Variants in ARHGAP45 observed in about 807,000 individuals in gnomAD.
ARHGAP45 encodes the protein Rho GTPase activating protein 45.
In ARHGAP45, 56 loss-of-function variants were observed where a neutral mutation model predicts 116.1. That is an observed-to-expected ratio of 0.48 (90% CI 0.39 to 0.60). The LOEUF (loss-of-function observed/expected upper bound fraction) is 0.60, where lower values mean the gene tolerates loss of function less well. Ranked by LOEUF, ARHGAP45 falls within the 20% of genes least tolerant of loss-of-function variation. The pLI is 0.00. For synonymous variants in ARHGAP45, 866 were observed against 701.7 expected (o/e 1.23, Z -3.70); for missense variants, 1,622 against 1,601.0 (o/e 1.01, Z -0.22).
At position 1,084,267 on chromosome 19, in the gene ARHGAP45, AGTC is replaced by A. The variant is rs1568486133; in HGVS notation, c.2989_2991del (p.Val997del). 6.2e-7 allele frequency: 1 copy of A among 1,613,404 alleles called. No individual in the cohort carries two copies. Among genetic ancestry groups the A allele is most frequent in the Admixed American group, 1.7e-5 (1 of 59,910 alleles). On this transcript the variant is annotated inframe_deletion, in exon 22 of 23. Transcript: ENST00000313093. ...AGTCATCCAACCAGCGAGCTGAGGTAGTCGTCCAGGTGCCGTACCTGGAGGCGG... is the reference window on the plus strand; with the variant it reads ...AGTCATCCAACCAGCGAGCTGAGGTAGTCCAGGTGCCGTACCTGGAGGCGG...
intron 11 of ARHGAP45, among the ~76,000 whole-genome samples, chr19:1,078,471 T>TCCAAAAACTCCAAAAAGC (rs2043331369): frequency 7.0e-6 from 1 of 142,992 alleles, no homozygotes; most frequent in Non-Finnish European, 1.5e-5. Context: ...AGAGTCTCAT[T>TCCAAAAACTCCAAAAAGC]CTGTTGCCCA....
At chr19:1,074,552 G>A in intron 8 of ARHGAP45, 62 bp from the exon 9 acceptor site, 1 of 1,449,290 alleles carries the variant, frequency 6.9e-7, no homozygotes. Context: ...TGGTGGCTGG[G>A]GGTGCTGGGG....
rs1009469323 is a variant in ARHGAP45, at chr19:1,074,673, C to T, written c.1053C>T (p.Gly351=). ...CCCTGGAGCAGGACCTGGAGTTCGG[C>T]CACAGCATGGTGCAGGCGGTGGGCA... The part of the protein sequence containing the change: ...SLALEQDLEF[G]HSMVQAVGTL... The change falls in exon 9 of 23, where the codon GGC becomes GGT. Residue 351 remains glycine (G), a synonymous_variant. Coordinates refer to ENST00000313093, the MANE Select transcript of ARHGAP45 (RefSeq NM_012292.5). 10 of 1,611,078 alleles carry T rather than the reference C, an allele frequency of 6.2e-6. No homozygotes were observed. The African/African-American group carries it at 1.1e-4, about 17-fold the overall frequency.
intron 2 of ARHGAP45, among the ~76,000 whole-genome samples, chr19:1,072,563 C>A (rs1237776921): frequency 6.6e-6 from 1 of 152,202 alleles, no homozygotes; most frequent in Non-Finnish European, 1.5e-5. Flanking sequence ...CTGAGGAGGG[C>A]AGTGAAAGCC....
rs993296703 is a variant in ARHGAP45 at position 1,086,478 on chromosome 19, C to T, written c.*472C>T. ...GTGCAGTTTCCAGGGTGCAGTACAG[C>T]AGGGCCTGAATACTGGCCCTGGACT... On this transcript the variant is annotated 3_prime_UTR_variant, in exon 23 of 23. Transcript: ENST00000313093. 13 of 158,322 alleles carry T rather than the reference C, an allele frequency of 8.2e-5. No homozygotes were observed. The South Asian group carries it at 2.3e-3, about 27-fold the overall frequency. The allele number at this position is 158,322 out of a possible 1,614,324, so 9.8% of individuals were successfully genotyped here. A position where few individuals can be genotyped will look rare whatever the true frequency, so the allele number is the denominator to read the frequency against.
Position 1,082,836 on chromosome 19 carries a change from G to T in ARHGAP45, c.2518-4G>T. On this transcript the variant is annotated splice_polypyrimidine_tract_variant and splice_region_variant and intron_variant, in intron 19 of 22. Coordinates refer to ENST00000313093, the MANE Select transcript of ARHGAP45 (RefSeq NM_012292.5). Reference sequence around the variant, plus strand: ...AACACCTGCTGACCCTTGACTCTGCGCAGCTTCCCGAGCCGCTCATCTCCT... The same window carrying T: ...AACACCTGCTGACCCTTGACTCTGCTCAGCTTCCCGAGCCGCTCATCTCCT... The T allele has an allele frequency of 2.7e-6, 4 of 1,489,676 alleles. No homozygotes were observed. Among genetic ancestry groups the T allele is most frequent in the Non-Finnish European group, 3.6e-6 (4 of 1,119,340 alleles). 92.3% of individuals were successfully genotyped at this position (1,489,676 alleles called of 1,614,324 possible).
intron 10 of ARHGAP45, among the ~76,000 whole-genome samples, chr19:1,075,974 A>C (rs1040815229): frequency 6.6e-6 from 1 of 151,820 alleles, no homozygotes. Flanking sequence ...TTTTATCCTC[A>C]CCTCCATATA....
At position 1,073,308 on chromosome 19, in the gene ARHGAP45, C is replaced by G. The variant is rs754356704; in HGVS notation, c.565+16C>G. The G allele has an allele frequency of 6.2e-7, 1 of 1,612,010 alleles. No individual in the cohort carries two copies. The highest frequency in any genetic ancestry group is 8.5e-7 in the Non-Finnish European group (1 of 1,179,426). On this transcript the variant is annotated intron_variant, in intron 3 of 22. Coordinates refer to ENST00000313093, the MANE Select transcript of ARHGAP45 (RefSeq NM_012292.5). ...AAGGTCAAAGGTCAGCCTGCTGGAA[C>G]AGGGCTGCGAGGGCTCTCTGCCTAG...
chr19:1,085,646 T>C lies in ARHGAP45; in HGVS notation c.3065-14T>C. The stretch of plus-strand genomic sequence containing the variant: ...CCTGTCTGTCTCCCCCCGCCATCTG[T>C]CTCCCTTTCTTAGAATCCCGAGTTG... On this transcript the variant is annotated splice_polypyrimidine_tract_variant and intron_variant, in intron 22 of 22. Transcript: ENST00000313093. 1 of 1,534,620 alleles carries C rather than the reference T, an allele frequency of 6.5e-7. No homozygotes were observed. Among genetic ancestry groups the C allele is most frequent in the South Asian group, 1.2e-5 (1 of 81,048 alleles).
intron 10 of ARHGAP45, among the ~76,000 whole-genome samples, chr19:1,075,514 A>G (rs2043229188): frequency 1.3e-5 from 2 of 151,964 alleles, no homozygotes; most frequent in South Asian, 2.1e-4. Context: ...CAAAGTGCTG[A>G]GATTACAGAC....
In ARHGAP45 at chr19:1,084,234, G is replaced by C; in HGVS notation, c.2956-4G>C. The C allele has an allele frequency of 6.2e-7, 1 of 1,613,220 alleles. No individual in the cohort carries two copies. Among genetic ancestry groups the C allele is most frequent in the South Asian group, 1.1e-5 (1 of 91,076 alleles). On this transcript the variant is annotated splice_polypyrimidine_tract_variant and splice_region_variant and intron_variant, in intron 21 of 22. Coordinates refer to ENST00000313093, the MANE Select transcript of ARHGAP45 (RefSeq NM_012292.5). The stretch of plus-strand genomic sequence containing the variant: ...CCTCTATGACTTCCGTTCTGCACTT[G>C]CAGGACGAGTCATCCAACCAGCGAG...
upstream of ARHGAP45, among the ~76,000 whole-genome samples, chr19:1,066,961 G>GT: frequency 6.6e-6 from 1 of 152,240 alleles, no homozygotes; most frequent in East Asian, 1.9e-4. Context: ...GGGTCTCTGC[G>GT]TGTCATCGTG....
upstream of ARHGAP45, chr19:1,067,133 T>C: frequency 8.7e-7 from 1 of 1,151,308 alleles, no homozygotes; most frequent in East Asian, 4.2e-5. Context: ...GGCCCGGGGC[T>C]GGGGGCGGGG....
Position 1,080,887 on chromosome 19 carries a change from C to T in ARHGAP45, c.2018-5C>T, listed in dbSNP as rs544156633. The T allele has an allele frequency of 4.1e-5, 66 of 1,607,176 alleles. No homozygotes were observed. The highest frequency in any genetic ancestry group is 5.5e-5 in the Non-Finnish European group (65 of 1,176,824). The stretch of plus-strand genomic sequence containing the variant: ...GGTGACACCGGCTGCCTGTGCTGCC[C>T]GCAGCTGACCTCAACGGCATGACCC... On this transcript the variant is annotated splice_polypyrimidine_tract_variant and splice_region_variant and intron_variant, in intron 16 of 22. Coordinates refer to ENST00000313093, the MANE Select transcript of ARHGAP45 (RefSeq NM_012292.5).
At chr19:1,077,639 G>T in intron 10 of ARHGAP45, 1 of 1,419,062 alleles carries the variant, frequency 7.0e-7, no homozygotes, top group Non-Finnish European at 9.2e-7. Context: ...ACCTGCCTCG[G>T]CCTCCCAAAG....
rs766266227 is a variant in ARHGAP45 at position 1,080,240 on chromosome 19, G to A, written c.1704-15G>A. ...CCCCATCACCTCCCCTCCTTTTCCC[G>A]GTTTCTTCCACTAGGTCCCCCGTCA... On this transcript the variant is annotated splice_polypyrimidine_tract_variant and intron_variant, in intron 13 of 22. Coordinates refer to ENST00000313093, the MANE Select transcript of ARHGAP45 (RefSeq NM_012292.5). The A allele has an allele frequency of 6.2e-7, 1 of 1,612,066 alleles. No homozygotes were observed. The highest frequency in any genetic ancestry group is 8.5e-7 in the Non-Finnish European group (1 of 1,179,700).
At chr19:1,073,804 G>A in intron 5 of ARHGAP45, 58 bp downstream of exon 5, 1 of 1,544,130 alleles carries the variant, frequency 6.5e-7, no homozygotes, top group Non-Finnish European at 8.8e-7. Flanking sequence ...GCCGGGTTCA[G>A]GTCTGCAGGG....
chr19:1,082,079 C>A, intron 19 of ARHGAP45, 118 bp downstream of exon 19: 1 of 75,858 alleles, frequency 1.3e-5, no homozygotes, highest in Non-Finnish European at 2.4e-5. Flanking sequence ...CTGGCGCAAG[C>A]GGGGGCCTGG....
Position 1,081,953 on chromosome 19 carries a change from C to T in ARHGAP45, c.2509C>T (p.Leu837=). ...HDISNVLKLY[L]RQLPEPLISF... is the part of the protein sequence containing the mutation. ...CATCAGCAACGTCCTCAAGCTCTAC[C>T]TGCGTCAGGTGAGACCCACCGGTGG... Residue 837 remains leucine (L), a synonymous_variant, in exon 19 of 23, where the codon CTG becomes TTG. Transcript: ENST00000313093. 2 of 1,611,360 alleles carry T rather than the reference C, an allele frequency of 1.2e-6. No homozygotes were observed. Among genetic ancestry groups the T allele is most frequent in the Non-Finnish European group, 1.7e-6 (2 of 1,179,478 alleles).
Sources: allele counts gnomAD v4.1 joint callset (sites outside exome capture counted in the v4.1 genomes callset), GRCh38; gene constraint gnomAD v4.1.1; transcripts MANE v1.5; gene names NCBI Gene and HGNC (gene_info 2026-07-23, HGNC 2026-07-21).